The following CDH6 variants were observed in gnomAD, a reference collection of about 807,000 sequenced individuals.
CDH6 encodes the protein cadherin-6.
Under a neutral mutation model 78.0 loss-of-function variants are expected in CDH6, and 31 were observed. That is an observed-to-expected ratio of 0.40 (90% CI 0.30 to 0.54). The LOEUF is 0.54. CDH6 is among the 20% of genes least tolerant of loss of function. The probability of loss-of-function intolerance (pLI) is 0.56; values close to 1 mark genes in which losing one functional copy is unlikely to be tolerated. For missense variants in CDH6, 724 were observed against 975.9 expected (o/e 0.74, Z 3.44); for synonymous variants, 376 against 368.8 (o/e 1.02, Z -0.23).
chr5:31,205,271 T>G (rs1375130506), intron 1 of CDH6, among the ~76,000 whole-genome samples: 1 of 152,240 alleles, frequency 6.6e-6, no homozygotes, highest in Admixed American at 6.5e-5. Context: ...CTTTTCTATC[T>G]CATGCTAACA....
intron 1 of CDH6, among the ~76,000 whole-genome samples, chr5:31,227,012 A>C (rs11740910): frequency 1.3e-5 from 2 of 152,084 alleles, no homozygotes; most frequent in Non-Finnish European, 2.9e-5. Context: ...AAAATGACCC[A>C]TCCCTGGAAG....
intron 1 of CDH6, among the ~76,000 whole-genome samples, chr5:31,253,973 C>T (rs554725725): frequency 6.6e-6 from 1 of 152,240 alleles, no homozygotes; most frequent in East Asian, 1.9e-4. Flanking sequence ...TACCCACAGT[C>T]GACCACAGTC....
chr5:31,264,987 T>A (rs1742302531), intron 1 of CDH6, among the ~76,000 whole-genome samples: 1 of 152,190 alleles, frequency 6.6e-6, no homozygotes, highest in Admixed American at 6.5e-5. Flanking sequence ...GAGTCTGCCT[T>A]TTAAACAGCT....
At chr5:31,302,780 G>GA (rs1303957153) in intron 6 of CDH6, among the ~76,000 whole-genome samples, 2 of 57,600 alleles carry the variant, frequency 3.5e-5, no homozygotes, top group African/African-American at 1.3e-4. Flanking sequence ...AAAGAAGAAA[G>GA]AGAGAGAGAG....
intron 2 of CDH6, among the ~76,000 whole-genome samples, chr5:31,286,371 C>T (rs1392331434): frequency 6.6e-6 from 1 of 152,184 alleles, no homozygotes; most frequent in African/African-American, 2.4e-5. Context: ...TTAAGGAAGG[C>T]TTCTCTGAGG....
intron 2 of CDH6, among the ~76,000 whole-genome samples, chr5:31,276,603 G>T (rs1579874756): frequency 1.3e-5 from 2 of 152,160 alleles, no homozygotes; most frequent in African/African-American, 4.8e-5. Context: ...GAAGGTAGTT[G>T]AAGAAGTTAT....
intron 1 of CDH6, among the ~76,000 whole-genome samples, chr5:31,241,980 C>T (rs1342570382): frequency 6.6e-6 from 1 of 152,176 alleles, no homozygotes; most frequent in East Asian, 1.9e-4. Context: ...ACTCTTGGCC[C>T]CTATTGCAAA....
chr5:31,323,447 T>C lies in CDH6; in HGVS notation c.*139T>C. The stretch of plus-strand genomic sequence containing the variant: ...ATGGCTGCAGTCCGTGTGGATCCAA[T>C]GTTAGAGACTTTTTTCTAGTACACT... On this transcript the variant is annotated 3_prime_UTR_variant, in exon 12 of 12. Transcript: ENST00000265071. The C allele has an allele frequency of 1.0e-6, 1 of 979,394 alleles. No individual in the cohort carries two copies. The highest frequency in any genetic ancestry group is 1.5e-6 in the Non-Finnish European group (1 of 673,970). The allele number at this position is 979,394 out of a possible 1,614,324, so 60.7% of individuals were successfully genotyped here. A position where few individuals can be genotyped will look rare whatever the true frequency, so the allele number is the denominator to read the frequency against.
chr5:31,236,454 A>C (rs144647835), intron 1 of CDH6, among the ~76,000 whole-genome samples: 2 of 152,296 alleles, frequency 1.3e-5, no homozygotes, highest in Non-Finnish European at 2.9e-5. Flanking sequence ...GATGGGAAGC[A>C]GAGAAAAGGA....
intron 1 of CDH6, among the ~76,000 whole-genome samples, chr5:31,227,725 G>A (rs1342531179): frequency 6.6e-6 from 1 of 152,042 alleles, no homozygotes; most frequent in Non-Finnish European, 1.5e-5. Context: ...ACAAGCTGTG[G>A]CCGTGCTTCT....
chr5:31,247,132 G>A (rs1229806485), intron 1 of CDH6, among the ~76,000 whole-genome samples: 3 of 152,294 alleles, frequency 2.0e-5, no homozygotes, highest in East Asian at 3.9e-4. Flanking sequence ...CTGCAGAAGA[G>A]TTTGAGAATG....
intron 1 of CDH6, among the ~76,000 whole-genome samples, chr5:31,195,810 G>A (rs564201336): frequency 1.8e-3 from 276 of 152,266 alleles, no homozygotes; most frequent in African/African-American, 6.4e-3. Context: ...GAAAATAAAA[G>A]ACAGATCTTT....
chr5:31,229,361 G>A (rs963062513), intron 1 of CDH6, among the ~76,000 whole-genome samples: 10 of 152,208 alleles, frequency 6.6e-5, no homozygotes, highest in Admixed American at 6.5e-5. Context: ...AGATTGGAGG[G>A]TAGGAAATGA....
chr5:31,198,983 T>C (rs1032773126), intron 1 of CDH6, among the ~76,000 whole-genome samples: 2 of 152,074 alleles, frequency 1.3e-5, no homozygotes, highest in Non-Finnish European at 2.9e-5. Flanking sequence ...CGAAAAGATT[T>C]CCTTAGTGCA....
At chr5:31,321,700 G>A (rs1738482079) in intron 11 of CDH6, among the ~76,000 whole-genome samples, 1 of 152,146 alleles carries the variant, frequency 6.6e-6, no homozygotes, top group East Asian at 1.9e-4. Context: ...CACTAAAAAG[G>A]CATTATTCTG....
intron 1 of CDH6, among the ~76,000 whole-genome samples, chr5:31,257,435 T>C (rs540417111): frequency 6.6e-6 from 1 of 152,356 alleles, no homozygotes; most frequent in South Asian, 2.1e-4. Context: ...AGTGCTAGGA[T>C]TACAGGCGTG....
chr5:31,253,825 G>GT (rs1397035455), intron 1 of CDH6, among the ~76,000 whole-genome samples: 196 of 143,042 alleles, frequency 1.4e-3, no homozygotes, highest in South Asian at 2.0e-3. Context: ...CTGATACAGG[G>GT]TTTTTTTTTT....
chr5:31,271,074 T>A (rs1367450575), intron 2 of CDH6, among the ~76,000 whole-genome samples: 1 of 152,200 alleles, frequency 6.6e-6, no homozygotes, highest in African/African-American at 2.4e-5. Flanking sequence ...AAGATCTATC[T>A]GTATGTGGAA....
chr5:31,239,514 G>C (rs1258480719), intron 1 of CDH6, among the ~76,000 whole-genome samples: 2 of 152,158 alleles, frequency 1.3e-5, no homozygotes, highest in African/African-American at 4.8e-5. Context: ...AGAAAACACT[G>C]ATATGAAATG....
Sources: gnomAD v4.1 joint callset for allele counts (sites outside exome capture counted in the v4.1 genomes callset) on GRCh38, gnomAD v4.1.1 for gene constraint, MANE v1.5 for transcripts, NCBI Gene and HGNC (gene_info 2026-07-23, HGNC 2026-07-21) for gene names.